The following FMN1 variants were observed in gnomAD, a reference collection of about 807,000 sequenced individuals.
FMN1 encodes formin-1.
FMN1 carries 110 observed loss-of-function variants against 132.4 expected under a neutral mutation model. That is an observed-to-expected ratio of 0.83 (90% CI 0.71 to 0.97). The LOEUF (loss-of-function observed/expected upper bound fraction) is 0.97. Among genes scored for constraint, FMN1 ranks in the 50% least tolerant of loss-of-function variants. The pLI is 0.00. For synonymous variants in FMN1, 722 were observed against 651.7 expected, an observed-to-expected ratio of 1.11 and a Z score of -1.64; for missense variants, 1,792 against 1,705.3, an observed-to-expected ratio of 1.05 and a Z score of -0.90.
intron 10 of FMN1, among the ~76,000 whole-genome samples, chr15:32,910,840 G>A (rs1357201477): frequency 6.6e-6 from 1 of 152,192 alleles, no homozygotes; most frequent in African/African-American, 2.4e-5. Context: ...CAGTTTGTAG[G>A]TTTGAAGCAC....
chr15:33,008,221 G>C (rs565031003), intron 6 of FMN1, 146 bp from the exon 7 acceptor site: 8 of 672,712 alleles, frequency 1.2e-5, no homozygotes, highest in Non-Finnish European at 2.5e-6. Flanking sequence ...ATTACAGAAA[G>C]ATAGGACAAG....
chr15:33,047,756 A>C (rs867805232), intron 6 of FMN1, among the ~76,000 whole-genome samples: 28 of 152,134 alleles, frequency 1.8e-4, no homozygotes, highest in African/African-American at 6.3e-4. Context: ...TGGGACCCTT[A>C]ATTTCTGAAG....
chr15:32,933,163 G>C lies in FMN1; in HGVS notation c.3139-6902C>G, dbSNP rs192150136. On this transcript the variant is annotated intron_variant, in intron 9 of 20. Transcript: ENST00000616417. ...GCTTTTATTGCATCCCATATGTTTT[G>C]GTATGTTGTATTTTTGTTTCTGTTT... is the stretch of plus-strand genomic sequence containing the variant. Among the ~76,000 whole-genome samples, 13 of 152,064 alleles carry C rather than the reference G, an allele frequency of 8.5e-5. No individual in the cohort carries two copies. In the South Asian group the frequency reaches 1.3e-3, roughly 15 times the overall value.
In FMN1 at chr15:32,771,990, G is replaced by A. The variant is rs1035421518; in HGVS notation, c.*2320C>T. On this transcript the variant is annotated 3_prime_UTR_variant, in exon 21 of 21. Transcript: ENST00000616417. Reference sequence around the variant, plus strand: ...TGAGAATAATGAAGATTCTGCCATGGTGTCTTACAACACTAACATCATACA... The same window carrying A: ...TGAGAATAATGAAGATTCTGCCATGATGTCTTACAACACTAACATCATACA... The A allele has an allele frequency of 6.6e-6, 1 of 152,074 alleles. No individual in the cohort carries two copies. Among genetic ancestry groups the A allele is most frequent in the African/African-American group, 2.4e-5 (1 of 41,386 alleles). 9.4% of individuals were successfully genotyped at this position (152,074 alleles called of 1,614,324 possible).
At chr15:33,076,390 A>G (rs532547592) in intron 5 of FMN1, among the ~76,000 whole-genome samples, 80 of 152,350 alleles carry the variant, frequency 5.3e-4, no homozygotes, top group African/African-American at 1.8e-3. Flanking sequence ...GGCTACTGCT[A>G]TAACTTTTTC....
chr15:32,871,464 A>T (rs1373814627), intron 16 of FMN1, among the ~76,000 whole-genome samples: 3 of 152,156 alleles, frequency 2.0e-5, no homozygotes, highest in Non-Finnish European at 4.4e-5. Context: ...AGCCATATAA[A>T]ATTTCATCAG....
Position 33,012,307 on chromosome 15 carries a change from C to T in FMN1, c.2162-4232G>A, listed in dbSNP as rs549143638. The T allele has an allele frequency of 5.2e-6, 4 of 768,912 alleles. No homozygotes were observed. In the East Asian group the frequency reaches 9.8e-5, roughly 19 times the overall value. The allele number at this position is 768,912 out of a possible 1,614,324, so 47.6% of individuals were successfully genotyped here. A position where few individuals can be genotyped will look rare whatever the true frequency, so the allele number is the denominator to read the frequency against. ...GAGGCTTTGGGTTTGTCTCATATGCCACCGTGGAGGAGGCAGATGCAGCCA... is the reference window on the plus strand; with the variant it reads ...GAGGCTTTGGGTTTGTCTCATATGCTACCGTGGAGGAGGCAGATGCAGCCA... On this transcript the variant is annotated intron_variant, in intron 6 of 20. Transcript: ENST00000616417.
intron 4 of FMN1, among the ~76,000 whole-genome samples, chr15:33,127,746 G>A (rs1029566585): frequency 6.6e-6 from 1 of 152,134 alleles, no homozygotes; most frequent in Non-Finnish European, 1.5e-5. Flanking sequence ...TAATGATAGG[G>A]GAAACCAATG....
chr15:33,186,136 A>G (rs1462023505), intron 2 of FMN1, among the ~76,000 whole-genome samples: 1 of 152,040 alleles, frequency 6.6e-6, no homozygotes, highest in Non-Finnish European at 1.5e-5. Flanking sequence ...CTGTGCCCCA[A>G]AAGGAAGCCT....
chr15:32,867,336 C>G (rs2059413963), intron 16 of FMN1, among the ~76,000 whole-genome samples: 1 of 152,210 alleles, frequency 6.6e-6, no homozygotes, highest in Non-Finnish European at 1.5e-5. Flanking sequence ...GCCTGCCTTC[C>G]CAGCCTCACC....
chr15:32,857,943 G>C (rs998433055), intron 16 of FMN1, among the ~76,000 whole-genome samples: 1 of 152,190 alleles, frequency 6.6e-6, no homozygotes, highest in African/African-American at 2.4e-5. Context: ...GAAAAGAAAG[G>C]CTTCGTTTCT....
intron 20 of FMN1, 102 bp downstream of exon 20, chr15:32,776,733 T>C (rs2056431373): frequency 4.7e-6 from 3 of 632,764 alleles, no homozygotes; most frequent in Admixed American, 3.0e-5. Context: ...GGATGGGAAC[T>C]GAGAATCTGG....
chr15:32,847,415 T>G (rs2058883695), intron 17 of FMN1, among the ~76,000 whole-genome samples: 2 of 152,146 alleles, frequency 1.3e-5, no homozygotes, highest in East Asian at 1.9e-4. Context: ...TCCACTAGCA[T>G]GTAGTTCTGA....
intron 17 of FMN1, among the ~76,000 whole-genome samples, chr15:32,852,438 C>T (rs1276396900): frequency 2.0e-5 from 3 of 152,068 alleles, no homozygotes; most frequent in Admixed American, 2.0e-4. Context: ...GGCTGGAGTA[C>T]GGAGAATGAT....
At chr15:32,822,380 A>G (rs902537732) in intron 17 of FMN1, among the ~76,000 whole-genome samples, 1 of 151,694 alleles carries the variant, frequency 6.6e-6, no homozygotes, top group Non-Finnish European at 1.5e-5. Flanking sequence ...AAGATGATCT[A>G]CGATTAGTAA....
intron 7 of FMN1, among the ~76,000 whole-genome samples, chr15:32,999,472 T>C (rs576664688): frequency 6.6e-6 from 1 of 152,352 alleles, no homozygotes; most frequent in Admixed American, 6.5e-5. Flanking sequence ...CATTTCATTC[T>C]CTTGGGGACA....
At chr15:33,106,671 A>C (rs1173884112) in intron 4 of FMN1, among the ~76,000 whole-genome samples, 3 of 151,960 alleles carry the variant, frequency 2.0e-5, no homozygotes, top group South Asian at 2.1e-4. Context: ...GCACCATTGA[A>C]ATTTTGGGCC....
At chr15:33,044,025 C>T (rs892112495) in intron 6 of FMN1, among the ~76,000 whole-genome samples, 1 of 152,254 alleles carries the variant, frequency 6.6e-6, no homozygotes, top group Non-Finnish European at 1.5e-5. Flanking sequence ...CCTATTCTGG[C>T]ACCTGCTCTA....
At chr15:33,081,638 C>T (rs2038464479) in intron 5 of FMN1, among the ~76,000 whole-genome samples, 1 of 152,098 alleles carries the variant, frequency 6.6e-6, no homozygotes, top group Admixed American at 6.5e-5. Context: ...AAACTAAAAA[C>T]AAAAGAAAAC....
Sources: gnomAD v4.1 joint callset for allele counts (sites outside exome capture counted in the v4.1 genomes callset) on GRCh38, gnomAD v4.1.1 for gene constraint, MANE v1.5 for transcripts, NCBI Gene and HGNC (gene_info 2026-07-23, HGNC 2026-07-21) for gene names.